Variants in AFF3 observed in about 807,000 individuals in gnomAD.
AFF3 encodes the protein AF4/FMR2 family member 3.
AFF3 carries 32 observed loss-of-function variants against 129.7 expected under a neutral mutation model. The observed-to-expected ratio is 0.25, with a 90% CI of 0.19 to 0.33. AFF3 has a LOEUF of 0.33. Among genes scored for constraint, AFF3 ranks in the 10% least tolerant of loss-of-function variants. The pLI, the probability that AFF3 is intolerant of heterozygous loss-of-function variation, is 1.00. For synonymous variants in AFF3, 644 were observed against 635.4 expected, an observed-to-expected ratio of 1.01 and a Z score of -0.20; for missense variants, 1,373 against 1,592.0, an observed-to-expected ratio of 0.86 and a Z score of 2.34.
chr2:100,047,943 C>G (rs985337275), intron 4 of AFF3, among the ~76,000 whole-genome samples: 2 of 152,204 alleles, frequency 1.3e-5, no homozygotes, highest in African/African-American at 2.4e-5. Context: ...TTATCATGTC[C>G]TGGATATTAC....
chr2:99,840,150 T>G (rs550406225), intron 7 of AFF3, among the ~76,000 whole-genome samples: 3 of 152,364 alleles, frequency 2.0e-5, no homozygotes, highest in South Asian at 2.1e-4. Context: ...TGTTCATGGA[T>G]GCACAAAACT....
At chr2:99,592,355 G>C (rs1268905220) in intron 15 of AFF3, among the ~76,000 whole-genome samples, 1 of 152,098 alleles carries the variant, frequency 6.6e-6, no homozygotes, top group Non-Finnish European at 1.5e-5. Context: ...AGCCCTCCTT[G>C]ATCAATGCTA....
chr2:99,903,142 GGATTCTTA>G lies in AFF3; in HGVS notation c.874-65626_874-65619del, dbSNP rs146242478. Among the ~76,000 whole-genome samples, 1,357 of 152,176 alleles carry G rather than the reference GGATTCTTA, an allele frequency of 8.9e-3. 13 individuals carry two copies. Among genetic ancestry groups the G allele is most frequent in the Middle Eastern group, 0.027 (8 of 294 alleles). On this transcript the variant is annotated intron_variant, in intron 7 of 24. Coordinates refer to ENST00000672756, the MANE Select transcript of AFF3 (RefSeq NM_001386135.1). ...ATTGTACCATTACACCCTATTTCAA[GGATTCTTA>G]GATGCTACCAGTATAAGACACTACC...
intron 7 of AFF3, among the ~76,000 whole-genome samples, chr2:99,878,147 A>C (rs1692433371): frequency 6.6e-6 from 1 of 152,206 alleles, no homozygotes; most frequent in African/African-American, 2.4e-5. Context: ...AGGAGAAAAC[A>C]AGAAGCGGAA....
At chr2:100,057,734 T>C (rs1372522102) in intron 4 of AFF3, among the ~76,000 whole-genome samples, 1 of 152,180 alleles carries the variant, frequency 6.6e-6, no homozygotes, top group Non-Finnish European at 1.5e-5. Context: ...GACAAAGAAA[T>C]CTTTGTCTTC....
chr2:99,845,623 T>C lies in AFF3; in HGVS notation c.874-8099A>G, dbSNP rs377679541. On this transcript the variant is annotated intron_variant, in intron 7 of 24. Transcript: ENST00000672756. ...AGGGCTTCCCACTTGCAACTTGACA[T>C]TGATAAGAATACTTTAAGATTTCTG... is the stretch of plus-strand genomic sequence containing the variant. Among the ~76,000 whole-genome samples the C allele has an allele frequency of 6.0e-4, 91 of 152,260 alleles. 3 individuals are homozygous for C. The South Asian group carries it at 0.016, about 26-fold the overall frequency.
At chr2:99,685,314 A>C (rs1284965885) in intron 11 of AFF3, among the ~76,000 whole-genome samples, 3 of 152,208 alleles carry the variant, frequency 2.0e-5, no homozygotes. Context: ...AGGTACATAC[A>C]ACTGGCTTTT....
chr2:100,013,266 A>T (rs1159374246), intron 4 of AFF3, among the ~76,000 whole-genome samples: 2 of 152,174 alleles, frequency 1.3e-5, no homozygotes, highest in Non-Finnish European at 2.9e-5. Context: ...AAATTCATCT[A>T]TTCTTGATCA....
intron 4 of AFF3, among the ~76,000 whole-genome samples, chr2:100,033,803 T>A (rs1408216223): frequency 1.3e-5 from 2 of 152,156 alleles, no homozygotes; most frequent in African/African-American, 2.4e-5. Context: ...TCCACATAAC[T>A]TTATAAGAAC....
At chr2:100,132,538 A>G (rs995946380) in intron 1 of AFF3, among the ~76,000 whole-genome samples, 1 of 152,236 alleles carries the variant, frequency 6.6e-6, no homozygotes, top group Non-Finnish European at 1.5e-5. Flanking sequence ...GAAATTTAGA[A>G]AAGTTTCTTG....
Position 99,733,324 on chromosome 2 carries a change from G to T in AFF3, c.1040-6196C>A, listed in dbSNP as rs1226909428. On this transcript the variant is annotated intron_variant, in intron 10 of 24. Transcript: ENST00000672756. ...GAACCTGGGAGGTGGAGGTTGCAGT[G>T]AGCCAAGATCGCGCCACTGCACTCC... 4.0e-5 allele frequency among the ~76,000 whole-genome samples: 6 copies of T among 149,244 alleles called. No individual in the cohort carries two copies. In the East Asian group the frequency reaches 1.2e-3, roughly 30 times the overall value.
chr2:99,686,055 T>C (rs1675025849), intron 11 of AFF3, among the ~76,000 whole-genome samples: 1 of 151,884 alleles, frequency 6.6e-6, no homozygotes, highest in Non-Finnish European at 1.5e-5. Flanking sequence ...CCGGGCTTGG[T>C]GGTGGGTGCC....
At chr2:99,742,189 A>C (rs1404176) in intron 10 of AFF3, among the ~76,000 whole-genome samples, 129,786 of 151,970 alleles carry the variant, frequency 0.85, 55,598 homozygotes, top group South Asian at 0.93. Flanking sequence ...AATGCTGTCT[A>C]TAAGAAAAAT....
chr2:99,949,699 T>C (rs139689485), intron 7 of AFF3, among the ~76,000 whole-genome samples: 4 of 152,312 alleles, frequency 2.6e-5, no homozygotes, highest in African/African-American at 9.6e-5. Flanking sequence ...CTGCTGCTAA[T>C]GTGAGCTCAG....
At chr2:99,719,530 T>G (rs1046095173) in intron 11 of AFF3, among the ~76,000 whole-genome samples, 5 of 152,204 alleles carry the variant, frequency 3.3e-5, no homozygotes, top group Non-Finnish European at 7.3e-5. Flanking sequence ...TATAAGAGTG[T>G]TAGTTCATTT....
At chr2:99,864,034 G>A (rs148874214) in intron 7 of AFF3, among the ~76,000 whole-genome samples, 7 of 152,266 alleles carry the variant, frequency 4.6e-5, no homozygotes, top group East Asian at 3.9e-4. Flanking sequence ...AAAGTCCATC[G>A]TTGCCACAGA....
chr2:99,870,758 A>C (rs1392022027), intron 7 of AFF3, among the ~76,000 whole-genome samples: 1 of 152,214 alleles, frequency 6.6e-6, no homozygotes, highest in Non-Finnish European at 1.5e-5. Context: ...TTGGAAAAAA[A>C]CAGCAACCAT....
intron 1 of AFF3, among the ~76,000 whole-genome samples, chr2:100,130,400 C>T (rs1254509717): frequency 6.6e-6 from 1 of 152,172 alleles, no homozygotes; most frequent in African/African-American, 2.4e-5. Context: ...AAGAGACACC[C>T]GCTCTGAAGA....
chr2:99,918,359 TA>T (rs1409452639), intron 7 of AFF3, among the ~76,000 whole-genome samples: 1 of 152,204 alleles, frequency 6.6e-6, no homozygotes, highest in Non-Finnish European at 1.5e-5. Context: ...TACCTTAAAC[TA>T]GACTAATTCA....
Sources: allele counts gnomAD v4.1 joint callset (sites outside exome capture counted in the v4.1 genomes callset), GRCh38; gene constraint gnomAD v4.1.1; transcripts MANE v1.5; gene names NCBI Gene and HGNC (gene_info 2026-07-23, HGNC 2026-07-21).